Variants in THRB observed in about 807,000 individuals in gnomAD.
THRB encodes thyroid hormone receptor beta, also known as nuclear receptor subfamily 1 group A member 2.
A neutral mutation model predicts 47.8 loss-of-function variants in THRB; 12 were observed. The observed-to-expected ratio is 0.25, with a 90% CI of 0.16 to 0.41. The LOEUF (loss-of-function observed/expected upper bound fraction) is 0.41. Among genes scored for constraint, THRB ranks in the 10% least tolerant of loss-of-function variants. THRB has a pLI of 1.00. For missense variants in THRB, 348 were observed against 589.2 expected, an observed-to-expected ratio of 0.59 and a Z score of 4.24; for synonymous variants, 218 against 212.2, an observed-to-expected ratio of 1.03 and a Z score of -0.24.
chr3:24,368,262 C>T (rs1358848583), intron 1 of THRB, among the ~76,000 whole-genome samples: 1 of 152,104 alleles, frequency 6.6e-6, no homozygotes, highest in Non-Finnish European at 1.5e-5. Flanking sequence ...TATTACTTCA[C>T]AGCACCCTGG....
At chr3:24,421,506 T>C (rs2069258326) in intron 1 of THRB, among the ~76,000 whole-genome samples, 1 of 151,766 alleles carries the variant, frequency 6.6e-6, no homozygotes. Context: ...TTGGCTGTCA[T>C]TATAGTGTCT....
chr3:24,409,586 T>G (rs1367723251), intron 1 of THRB, among the ~76,000 whole-genome samples: 1 of 151,792 alleles, frequency 6.6e-6, no homozygotes, highest in African/African-American at 2.4e-5. Flanking sequence ...GTATGCCATA[T>G]GGCCACTGTA....
At chr3:24,291,169 C>A (rs2055882818) in intron 3 of THRB, among the ~76,000 whole-genome samples, 1 of 152,166 alleles carries the variant, frequency 6.6e-6, no homozygotes, top group Non-Finnish European at 1.5e-5. Context: ...AGATTAGAAG[C>A]CAAGTTGTAC....
chr3:24,273,881 A>G (rs1348655045), intron 3 of THRB, among the ~76,000 whole-genome samples: 1 of 149,710 alleles, frequency 6.7e-6, no homozygotes, highest in Non-Finnish European at 1.5e-5. Context: ...GTATGTATGT[A>G]TCTTTTTGAA....
intron 3 of THRB, among the ~76,000 whole-genome samples, chr3:24,287,145 A>T (rs969708229): frequency 6.6e-6 from 1 of 152,188 alleles, no homozygotes; most frequent in Non-Finnish European, 1.5e-5. Flanking sequence ...CTACATAGAT[A>T]TCTTACACAC....
intron 1 of THRB, among the ~76,000 whole-genome samples, chr3:24,428,680 C>T (rs954908608): frequency 9.2e-5 from 14 of 151,474 alleles, no homozygotes; most frequent in Admixed American, 2.6e-4. Context: ...TGGTTATGTT[C>T]GAGGCAAGAA....
intron 5 of THRB, among the ~76,000 whole-genome samples, chr3:24,188,661 CCAGCCCATA>C (rs1315868703): frequency 1.3e-5 from 2 of 151,920 alleles, no homozygotes; most frequent in Non-Finnish European, 2.9e-5. Context: ...GGTTTTAGTG[CCAGCCCATA>C]CAATGTTGAG....
intron 1 of THRB, among the ~76,000 whole-genome samples, chr3:24,462,405 T>C (rs1220660370): frequency 6.6e-6 from 1 of 152,246 alleles, no homozygotes; most frequent in African/African-American, 2.4e-5. Context: ...GATGAGTTTT[T>C]AAGAAAATTC....
intron 1 of THRB, among the ~76,000 whole-genome samples, chr3:24,475,860 G>A (rs779187104): frequency 1.2e-4 from 18 of 152,178 alleles, no homozygotes; most frequent in Non-Finnish European, 2.1e-4. Context: ...CATGTTTACA[G>A]TTCCTTAAAA....
At chr3:24,270,383 T>C (rs1264857285) in intron 3 of THRB, among the ~76,000 whole-genome samples, 1 of 152,174 alleles carries the variant, frequency 6.6e-6, no homozygotes, top group African/African-American at 2.4e-5. Context: ...ATGAAAAACA[T>C]GTGTCAGGTC....
At chr3:24,371,177 G>A (rs1326974193) in intron 1 of THRB, among the ~76,000 whole-genome samples, 1 of 152,030 alleles carries the variant, frequency 6.6e-6, no homozygotes, top group African/African-American at 2.4e-5. Flanking sequence ...ACATTAGGCA[G>A]ACATCCAAAC....
chr3:24,200,735 A>G (rs760161898), intron 4 of THRB, among the ~76,000 whole-genome samples: 26 of 152,208 alleles, frequency 1.7e-4, no homozygotes, highest in Admixed American at 2.6e-4. Flanking sequence ...AGACATTTCA[A>G]TCTGGAAAAG....
chr3:24,128,112 T>C (rs1195561092), intron 9 of THRB, among the ~76,000 whole-genome samples: 1 of 152,244 alleles, frequency 6.6e-6, no homozygotes, highest in Non-Finnish European at 1.5e-5. Context: ...GCAGGGTTTA[T>C]GTTAAACTCT....
chr3:24,317,165 GTA>G (rs979352891), intron 2 of THRB, among the ~76,000 whole-genome samples: 14 of 152,304 alleles, frequency 9.2e-5, no homozygotes, highest in African/African-American at 3.4e-4. Context: ...TATGGGGTCT[GTA>G]AGTATGAGTT....
At chr3:24,330,276 C>A (rs1322988785) in intron 2 of THRB, among the ~76,000 whole-genome samples, 1 of 152,028 alleles carries the variant, frequency 6.6e-6, no homozygotes, top group Non-Finnish European at 1.5e-5. Context: ...CACTGCAGTC[C>A]GCAGTCCGGC....
At chr3:24,458,991 G>C (rs150604595) in intron 1 of THRB, 1 of 150,684 alleles carries the variant, frequency 6.6e-6, no homozygotes, top group African/African-American at 2.4e-5. Flanking sequence ...TAAGTTCTGC[G>C]GTACATGTGC....
chr3:24,167,069 C>T (rs563594358), intron 5 of THRB, among the ~76,000 whole-genome samples: 131 of 152,106 alleles, frequency 8.6e-4, no homozygotes, highest in Non-Finnish European at 1.3e-3. Context: ...AAGTGGACCA[C>T]CATTGTGCTG....
Position 24,133,310 on chromosome 3 carries a change from C to A in THRB, c.885+6G>T. 6.2e-7 allele frequency: 1 copy of A among 1,614,024 alleles called. No homozygotes were observed. Among genetic ancestry groups the A allele is most frequent in the Non-Finnish European group, 8.5e-7 (1 of 1,179,942 alleles). ...AATAATGCAGAAGGAAAAACAACAT[C>A]CTCACCTCACAAAACATAGGCAACT... is the stretch of plus-strand genomic sequence containing the variant. On this transcript the variant is annotated splice_donor_region_variant and intron_variant, in intron 9 of 10. Coordinates refer to ENST00000646209, the MANE Select transcript of THRB (RefSeq NM_001354712.2).
intron 1 of THRB, among the ~76,000 whole-genome samples, chr3:24,366,662 C>T (rs1212259563): frequency 6.9e-6 from 1 of 145,232 alleles, no homozygotes; most frequent in Admixed American, 7.0e-5. Flanking sequence ...CTCTCTGTCA[C>T]CAGGCTGGAG....
Sources: gnomAD v4.1 joint callset for allele counts (sites outside exome capture counted in the v4.1 genomes callset) on GRCh38, gnomAD v4.1.1 for gene constraint, MANE v1.5 for transcripts, NCBI Gene and HGNC (gene_info 2026-07-23, HGNC 2026-07-21) for gene names.